Variants in RFC1 observed in about 807,000 individuals in gnomAD.
The protein encoded by RFC1 is A1 140 kDa subunit.
In RFC1, 37 loss-of-function variants were observed where a neutral mutation model predicts 137.4. The observed-to-expected ratio is 0.27, with a 90% CI of 0.21 to 0.35. RFC1 has a LOEUF of 0.35. Ranked by LOEUF, RFC1 falls within the 10% of genes least tolerant of loss-of-function variation. The pLI is 1.00. For missense variants in RFC1, 1,205 were observed against 1,358.5 expected (o/e 0.89, Z 1.78); for synonymous variants, 429 against 455.7 (o/e 0.94, Z 0.75).
chr4:39,293,475 CA>C (rs35032695), intron 22 of RFC1, among the ~76,000 whole-genome samples: 38 of 152,050 alleles, frequency 2.5e-4, no homozygotes, highest in Admixed American at 1.6e-3. Context: ...CTATGACTCC[CA>C]AAAAGGTTAC....
At chr4:39,298,014 T>C (rs1410428498) in intron 21 of RFC1, among the ~76,000 whole-genome samples, 1 of 152,100 alleles carries the variant, frequency 6.6e-6, no homozygotes, top group African/African-American at 2.4e-5. Flanking sequence ...ACACATAAAA[T>C]GTAAAAGAAA....
intron 6 of RFC1, among the ~76,000 whole-genome samples, chr4:39,325,760 A>G (rs1204102987): frequency 6.6e-6 from 1 of 152,190 alleles, no homozygotes; most frequent in Non-Finnish European, 1.5e-5. Flanking sequence ...GCACATTCAG[A>G]TTATGCCCAC....
At chr4:39,293,076 C>T (rs1737778518) in intron 22 of RFC1, among the ~76,000 whole-genome samples, 2 of 152,130 alleles carry the variant, frequency 1.3e-5, no homozygotes, top group African/African-American at 4.8e-5. Context: ...CATAAGAAGC[C>T]ACAGCTTTTT....
At chr4:39,348,037 G>T (rs954091056) in intron 2 of RFC1, among the ~76,000 whole-genome samples, 1 of 152,114 alleles carries the variant, frequency 6.6e-6, no homozygotes, top group Non-Finnish European at 1.5e-5. Flanking sequence ...AATGCAAAAC[G>T]GAAGAGATGA....
intron 4 of RFC1, among the ~76,000 whole-genome samples, chr4:39,330,677 A>G (rs79387742): frequency 0.042 from 6,434 of 152,304 alleles, 160 homozygotes; most frequent in Non-Finnish European, 0.057. Context: ...GGCTCCTAAT[A>G]AATTTCCCCA....
intron 1 of RFC1, among the ~76,000 whole-genome samples, chr4:39,353,622 G>C (rs1741322404): frequency 6.6e-6 from 1 of 152,056 alleles, no homozygotes; most frequent in South Asian, 2.1e-4. Flanking sequence ...TATAATTACA[G>C]AGAATCAAGT....
intron 21 of RFC1, 176 bp from the exon 22 acceptor site, chr4:39,295,935 C>T: frequency 2.1e-6 from 1 of 484,652 alleles, no homozygotes; most frequent in East Asian, 3.3e-5. Context: ...AAACTTCTCC[C>T]AGAGAAAACA....
intron 2 of RFC1, 60 bp downstream of exon 2, chr4:39,351,283 AAACTT>A: frequency 1.2e-5 from 6 of 485,306 alleles, no homozygotes; most frequent in South Asian, 3.1e-5. Flanking sequence ...AAAAAAAAAA[AAACTT>A]ATAAGAACTG....
intron 5 of RFC1, 68 bp from the exon 6 acceptor site, chr4:39,326,708 G>T: frequency 2.5e-6 from 3 of 1,193,106 alleles, no homozygotes; most frequent in Non-Finnish European, 2.4e-6. Context: ...ACTTTTTCTT[G>T]ACTGTTGCTG....
chr4:39,344,516 C>T (rs1239346988), intron 3 of RFC1, among the ~76,000 whole-genome samples: 2 of 152,256 alleles, frequency 1.3e-5, no homozygotes, highest in East Asian at 3.9e-4. Flanking sequence ...AATCCCAAGA[C>T]TTTGAGAGGC....
intron 1 of RFC1, among the ~76,000 whole-genome samples, chr4:39,363,718 T>C (rs1030472227): frequency 6.6e-6 from 1 of 151,154 alleles, no homozygotes; most frequent in African/African-American, 2.4e-5. Context: ...TGAAACTTCA[T>C]CTCTACTAAA....
At chr4:39,340,157 T>C (rs1740542345) in intron 4 of RFC1, among the ~76,000 whole-genome samples, 1 of 152,228 alleles carries the variant, frequency 6.6e-6, no homozygotes. Context: ...AACAAGGCCA[T>C]GCTTTTAAAC....
intron 2 of RFC1, among the ~76,000 whole-genome samples, chr4:39,349,957 T>A (rs1345150779): frequency 6.6e-6 from 1 of 152,142 alleles, no homozygotes; most frequent in Non-Finnish European, 1.5e-5. Context: ...TGAGCCGAGA[T>A]CGTGCCATTG....
Position 39,304,811 on chromosome 4 carries a change from T to A in RFC1, c.2110+3A>T, listed in dbSNP as rs1738554027. 1 of 1,558,372 alleles carries A rather than the reference T, an allele frequency of 6.4e-7. No homozygotes were observed. The highest frequency in any genetic ancestry group is 1.4e-5 in the African/African-American group (1 of 73,636). On this transcript the variant is annotated splice_donor_region_variant and intron_variant, in intron 15 of 24. Coordinates refer to ENST00000349703, the MANE Select transcript of RFC1 (RefSeq NM_002913.5). ...AACAACAGGAGGTCAAAAAGCCACA[T>A]ACTTGAATAAAAGCCTTTGATGCTG...
chr4:39,358,374 C>T (rs1201213226), intron 1 of RFC1, among the ~76,000 whole-genome samples: 1 of 152,144 alleles, frequency 6.6e-6, no homozygotes, highest in African/African-American at 2.4e-5. Flanking sequence ...GTTTTAATAG[C>T]TTAGATATAA....
chr4:39,339,364 T>C (rs1237850859), intron 4 of RFC1, among the ~76,000 whole-genome samples: 3 of 152,186 alleles, frequency 2.0e-5, no homozygotes, highest in African/African-American at 7.2e-5. Context: ...TTCCCACCAA[T>C]GGTGTATAGG....
At chr4:39,329,265 G>A (rs1384934652) in intron 4 of RFC1, among the ~76,000 whole-genome samples, 4 of 151,898 alleles carry the variant, frequency 2.6e-5, no homozygotes, top group Admixed American at 2.6e-4. Context: ...ACTTTGGGAG[G>A]CTGAGGCGGA....
rs1737500020 is a variant in RFC1 at position 39,288,672 on chromosome 4, T to G, written c.*89A>C. On this transcript the variant is annotated 3_prime_UTR_variant, in exon 25 of 25. Transcript: ENST00000349703. Reference sequence around the variant, plus strand: ...TCATCCCATTATGCTAAAACATGGTTGCTCTGGGAAAAAACAAGGCTTTCT... The same window carrying G: ...TCATCCCATTATGCTAAAACATGGTGGCTCTGGGAAAAAACAAGGCTTTCT... 2.5e-6 allele frequency: 2 copies of G among 808,194 alleles called. No individual in the cohort carries two copies. Among genetic ancestry groups the G allele is most frequent in the Admixed American group, 2.2e-5 (1 of 44,858 alleles). The allele number at this position is 808,194 out of a possible 1,614,324, so 50.1% of individuals were successfully genotyped here.
intron 1 of RFC1, among the ~76,000 whole-genome samples, chr4:39,362,092 C>T (rs1399895379): frequency 6.6e-6 from 1 of 151,998 alleles, no homozygotes; most frequent in East Asian, 1.9e-4. Context: ...AAAATACTTA[C>T]GAATATATTT....
Sources: allele counts gnomAD v4.1 joint callset (sites outside exome capture counted in the v4.1 genomes callset), GRCh38; gene constraint gnomAD v4.1.1; transcripts MANE v1.5; gene names NCBI Gene and HGNC (gene_info 2026-07-23, HGNC 2026-07-21).